The following DAZAP1 variants were observed in gnomAD, a reference collection of about 807,000 sequenced individuals.
DAZAP1 encodes the protein DAZ-associated protein 1.
In DAZAP1, 6 loss-of-function variants were observed where a neutral mutation model predicts 60.1. That is an observed-to-expected ratio of 0.10 (90% CI 0.05 to 0.20). The LOEUF (loss-of-function observed/expected upper bound fraction) is 0.20. DAZAP1 is among the 10% of genes least tolerant of loss of function. The pLI, the probability that DAZAP1 is intolerant of heterozygous loss-of-function variation, is 1.00. For missense variants in DAZAP1, 366 were observed against 560.4 expected (o/e 0.65, Z 3.50); for synonymous variants, 235 against 215.9 (o/e 1.09, Z -0.78).
rs770268589 is a variant in DAZAP1 at position 1,425,849 on chromosome 19, A to G, written c.464-29A>G. 3 of 1,472,430 alleles carry G rather than the reference A, an allele frequency of 2.0e-6. No individual in the cohort carries two copies. The highest frequency in any genetic ancestry group is 2.3e-5 in the East Asian group (1 of 44,272). The allele number at this position is 1,472,430 out of a possible 1,614,324, so 91.2% of individuals were successfully genotyped here. ...CTGTTTTGTGTCACAACACCCTGCTACCTTGATTCACTCTTCGTCGTTGGC... is the reference window on the plus strand; with the variant it reads ...CTGTTTTGTGTCACAACACCCTGCTGCCTTGATTCACTCTTCGTCGTTGGC... On this transcript the variant is annotated intron_variant, in intron 6 of 11. Coordinates refer to ENST00000233078, the MANE Select transcript of DAZAP1 (RefSeq NM_018959.4). This position sits in a 1 kb window ranked among gnomAD's most constrained non-coding sequence, Gnocchi z 5.4.
At chr19:1,430,592 C>T (rs980297270) in intron 10 of DAZAP1, among the ~76,000 whole-genome samples, 14 of 152,224 alleles carry the variant, frequency 9.2e-5, no homozygotes, top group Non-Finnish European at 1.9e-4. Context: ...GGTTGGAGAG[C>T]TCATAGCAGG....
At chr19:1,421,399 C>T (rs546392842) in intron 5 of DAZAP1, 141 bp downstream of exon 5, 16 of 689,202 alleles carry the variant, frequency 2.3e-5, no homozygotes, top group African/African-American at 1.4e-4. Context: ...ATTTCCCCAA[C>T]GCCTGCGCCC....
chr19:1,413,594 G>A (rs537566578), intron 1 of DAZAP1, among the ~76,000 whole-genome samples: 1 of 152,324 alleles, frequency 6.6e-6, no homozygotes, highest in East Asian at 1.9e-4. Context: ...AAGACACATG[G>A]ACACAGGAAG....
At chr19:1,415,220 A>G (rs1360216494) in intron 1 of DAZAP1, among the ~76,000 whole-genome samples, 1 of 151,768 alleles carries the variant, frequency 6.6e-6, no homozygotes, top group Non-Finnish European at 1.5e-5. Context: ...TCTGCCAGTG[A>G]GGTGGGGGTG....
intron 1 of DAZAP1, among the ~76,000 whole-genome samples, chr19:1,408,874 G>T (rs2082743286): frequency 6.6e-6 from 1 of 152,230 alleles, no homozygotes; most frequent in African/African-American, 2.4e-5. Context: ...CGGCAAAACA[G>T]TCTGGGTTGG....
In DAZAP1 at chr19:1,418,484, G is replaced by T; in HGVS notation, c.237+114G>T. The T allele has an allele frequency of 6.9e-7, 1 of 1,458,794 alleles. No individual in the cohort carries two copies. The highest frequency in any genetic ancestry group is 9.5e-7 in the Non-Finnish European group (1 of 1,052,620). 90.4% of individuals were successfully genotyped at this position (1,458,794 alleles called of 1,614,324 possible). ...GCGTTAGAGTATGTTTGAACGTGGG[G>T]TCGATTGGGAAGGATTAAGCCTTGG... On this transcript the variant is annotated intron_variant, in intron 3 of 11. Transcript: ENST00000233078. The surrounding 1 kb of genome is among the most constrained non-coding windows in gnomAD (Gnocchi z 5.7).
Position 1,418,089 on chromosome 19 carries a change from A to T in DAZAP1, c.71-115A>T. On this transcript the variant is annotated intron_variant, in intron 2 of 11. Transcript: ENST00000233078. The surrounding 1 kb of genome is among the most constrained non-coding windows in gnomAD (Gnocchi z 5.7). Reference sequence around the variant, plus strand: ...GTACACCCCCCACCCCCAGTGCAGCATCGCTCGGTGCGTGGCTGGTGGACT... The same window carrying T: ...GTACACCCCCCACCCCCAGTGCAGCTTCGCTCGGTGCGTGGCTGGTGGACT... 2 of 1,084,562 alleles carry T rather than the reference A, an allele frequency of 1.8e-6. No homozygotes were observed. Among genetic ancestry groups the T allele is most frequent in the Non-Finnish European group, 2.7e-6 (2 of 735,068 alleles). 67.2% of individuals were successfully genotyped at this position (1,084,562 alleles called of 1,614,324 possible).
intron 6 of DAZAP1, among the ~76,000 whole-genome samples, chr19:1,424,074 C>T (rs940922309): frequency 6.6e-6 from 1 of 152,082 alleles, no homozygotes; most frequent in African/African-American, 2.4e-5. Context: ...GTCTGTGTCC[C>T]CCTCCCCGCC....
In DAZAP1 at chr19:1,417,516, G is replaced by T; in HGVS notation, c.46G>T (p.Gly16Cys). ...GAATCGCAGGAAGCTCTTCGTGGGC[G>T]GTCTTGACTGGAGCACGACCCAAGG... ...ADEIGKLFVG[G>C]LDWSTTQETL... The change falls in exon 2 of 12, where the codon GGT becomes TGT. Residue 16 changes from glycine (G) to cysteine (C), a missense_variant. Transcript: ENST00000233078. 6.2e-7 allele frequency: 1 copy of T among 1,606,596 alleles called. No individual in the cohort carries two copies. The highest frequency in any genetic ancestry group is 2.2e-5 in the East Asian group (1 of 44,676).
In DAZAP1 at chr19:1,434,857, G is replaced by C. The variant is rs748366219; in HGVS notation, c.1169G>C (p.Gly390Ala). 3 of 1,602,356 alleles carry C rather than the reference G, an allele frequency of 1.9e-6. No individual in the cohort carries two copies. Among genetic ancestry groups the C allele is most frequent in the Non-Finnish European group, 2.6e-6 (3 of 1,174,894 alleles). ...GGGGGCCCCCCCGCCGGCGGCAGCG[G>C]CTTTGGACGAGGGCAGAACCACAAC... The part of the protein sequence containing the change: ...GSGGPPAGGS[G>A]FGRGQNHNVQ... Residue 390 changes from glycine to alanine, a missense_variant, in exon 12 of 12, where the codon GGC becomes GCC. Physicochemically the swap from Gly to Ala is moderately conservative, Grantham distance 60. Coordinates refer to ENST00000233078, the MANE Select transcript of DAZAP1 (RefSeq NM_018959.4). This position sits in a 1 kb window ranked among gnomAD's most constrained non-coding sequence, Gnocchi z 8.0.
In DAZAP1 at chr19:1,416,165, A is replaced by T. The variant is rs1047669641; in HGVS notation, c.30-1335A>T. On this transcript the variant is annotated intron_variant, in intron 1 of 11. Coordinates refer to ENST00000233078, the MANE Select transcript of DAZAP1 (RefSeq NM_018959.4). The surrounding 1 kb of genome is among the most constrained non-coding windows in gnomAD (Gnocchi z 4.3). ...TCCTGGCGAGCTGGCAGGAGCAGGGAGGAGCACGTTGCTCCTGCTGCTGGT... is the reference window on the plus strand; with the variant it reads ...TCCTGGCGAGCTGGCAGGAGCAGGGTGGAGCACGTTGCTCCTGCTGCTGGT... The T allele has an allele frequency of 1.3e-5, 2 of 152,156 alleles. No individual in the cohort carries two copies. Among genetic ancestry groups the T allele is most frequent in the Non-Finnish European group, 2.9e-5 (2 of 68,042 alleles). The allele number at this position is 152,156 out of a possible 1,614,324, so 9.4% of individuals were successfully genotyped here.
rs561092490 is a variant in DAZAP1, at chr19:1,424,858, G to A, written c.464-1020G>A. Among the ~76,000 whole-genome samples, 12 of 152,322 alleles carry A rather than the reference G, an allele frequency of 7.9e-5. No individual in the cohort carries two copies. In the East Asian group the frequency reaches 2.1e-3, roughly 27 times the overall value. ...GAGGGGCTGGTGCCGCCTGGGCCCC[G>A]CCTCGGGAGGACGGTGTGCTTTGCG... is the stretch of plus-strand genomic sequence containing the variant. On this transcript the variant is annotated intron_variant, in intron 6 of 11. Coordinates refer to ENST00000233078, the MANE Select transcript of DAZAP1 (RefSeq NM_018959.4).
At chr19:1,430,790 G>A (rs1342134805) in intron 10 of DAZAP1, among the ~76,000 whole-genome samples, 2 of 151,134 alleles carry the variant, frequency 1.3e-5, no homozygotes, top group South Asian at 2.1e-4. Flanking sequence ...GCGCAATCGC[G>A]GCTCACTGCA....
chr19:1,417,648 C>T lies in DAZAP1; in HGVS notation c.70+108C>T, dbSNP rs559385774. The T allele has an allele frequency of 1.4e-4, 147 of 1,055,536 alleles. 1 individual carries two copies. The Admixed American group carries it at 1.8e-3, about 13-fold the overall frequency. The allele number at this position is 1,055,536 out of a possible 1,614,324, so 65.4% of individuals were successfully genotyped here. A position where few individuals can be genotyped will look rare whatever the true frequency, so the allele number is the denominator to read the frequency against. On this transcript the variant is annotated intron_variant, in intron 2 of 11. Coordinates refer to ENST00000233078, the MANE Select transcript of DAZAP1 (RefSeq NM_018959.4). ...CTACTGTCTTGGATATTTTAAAGTC[C>T]TTTTGACGTTGTTCTGATTTCTGGG...
intron 2 of DAZAP1, among the ~76,000 whole-genome samples, chr19:1,417,891 C>T (rs1010062620): frequency 2.2e-4 from 34 of 151,478 alleles, no homozygotes; most frequent in Non-Finnish European, 4.4e-5. Context: ...AGTCGGCGCT[C>T]CTTGGCCACT....
chr19:1,428,662 C>A lies in DAZAP1; in HGVS notation c.547-180C>A. On this transcript the variant is annotated intron_variant, in intron 7 of 11. Coordinates refer to ENST00000233078, the MANE Select transcript of DAZAP1 (RefSeq NM_018959.4). This position sits in a 1 kb window ranked among gnomAD's most constrained non-coding sequence, Gnocchi z 4.0. ...GAAACATTTTTTAAACAAAAAAATT[C>A]AACACAAAAGAATTTTTTAAGAAAA... 2 of 776,232 alleles carry A rather than the reference C, an allele frequency of 2.6e-6. No homozygotes were observed. Among genetic ancestry groups the A allele is most frequent in the South Asian group, 2.1e-5 (1 of 47,704 alleles). The allele number at this position is 776,232 out of a possible 1,614,324, so 48.1% of individuals were successfully genotyped here.
Position 1,418,479 on chromosome 19 carries a change from G to A in DAZAP1, c.237+109G>A, listed in dbSNP as rs974480276. On this transcript the variant is annotated intron_variant, in intron 3 of 11. Transcript: ENST00000233078. The surrounding 1 kb of genome is among the most constrained non-coding windows in gnomAD (Gnocchi z 5.7). The stretch of plus-strand genomic sequence containing the variant: ...TGTTTGCGTTAGAGTATGTTTGAAC[G>A]TGGGGTCGATTGGGAAGGATTAAGC... The A allele has an allele frequency of 6.5e-5, 96 of 1,469,698 alleles. No individual in the cohort carries two copies. The highest frequency in any genetic ancestry group is 8.0e-5 in the Non-Finnish European group (85 of 1,062,136). 91.0% of individuals were successfully genotyped at this position (1,469,698 alleles called of 1,614,324 possible). A position where few individuals can be genotyped will look rare whatever the true frequency, so the allele number is the denominator to read the frequency against.
chr19:1,410,310 T>G (rs903179322), intron 1 of DAZAP1, among the ~76,000 whole-genome samples: 2 of 151,412 alleles, frequency 1.3e-5, no homozygotes, highest in Non-Finnish European at 2.9e-5. Flanking sequence ...GTGTGGGGAG[T>G]CCCTCTCTGG....
chr19:1,409,133 C>T (rs1375041628), intron 1 of DAZAP1, among the ~76,000 whole-genome samples: 1 of 152,230 alleles, frequency 6.6e-6, no homozygotes, highest in Admixed American at 6.5e-5. Flanking sequence ...TAGCCCCTGC[C>T]TAGCCCGTGC....
Sources: allele counts gnomAD v4.1 joint callset (sites outside exome capture counted in the v4.1 genomes callset), GRCh38; gene constraint gnomAD v4.1.1; non-coding constraint Gnocchi (gnomAD v3.1); transcripts MANE v1.5; gene names NCBI Gene and HGNC (gene_info 2026-07-23, HGNC 2026-07-21).